Variants in PDK1 observed in about 807,000 individuals in gnomAD.
The protein encoded by PDK1 is pyruvate dehydrogenase kinase 1.
A neutral mutation model predicts 54.2 loss-of-function variants in PDK1; 39 were observed. The ratio of observed to expected loss-of-function variants is 0.72; its 90% confidence interval spans 0.56 to 0.94. PDK1 has a LOEUF of 0.94. PDK1 is among the 40% of genes least tolerant of loss of function. PDK1 has a pLI of 0.00. For synonymous variants in PDK1, 221 were observed against 207.1 expected, an observed-to-expected ratio of 1.07 and a Z score of -0.58; for missense variants, 552 against 566.0, an observed-to-expected ratio of 0.98 and a Z score of 0.25.
chr2:172,643,468 T>C, the PDK1 span, among the ~76,000 whole-genome samples: 3 of 152,170 alleles, frequency 2.0e-5, no homozygotes, highest in African/African-American at 7.2e-5. Flanking sequence ...GAGTCCTCTT[T>C]TAGCCTCAAG....
At chr2:172,609,206 C>T (rs952516311), downstream of PDK1, among the ~76,000 whole-genome samples, 1 of 152,128 alleles carries the variant, frequency 6.6e-6, no homozygotes, top group African/African-American at 2.4e-5. Context: ...ACGACAAGGA[C>T]ACTCAACTTC....
At chr2:172,556,497 C>T (rs976137446) in intron 1 of PDK1, 151 bp downstream of exon 1, 10 of 498,234 alleles carry the variant, frequency 2.0e-5, no homozygotes, top group African/African-American at 1.8e-4. Flanking sequence ...TAGGTGCTTC[C>T]TTCCTCCCTC....
chr2:172,686,019 T>C, the PDK1 span, among the ~76,000 whole-genome samples: 1 of 152,316 alleles, frequency 6.6e-6, no homozygotes, highest in Non-Finnish European at 1.5e-5. Context: ...CCAGGAGCTG[T>C]GTTAAGTGCT....
downstream of PDK1, among the ~76,000 whole-genome samples, chr2:172,611,508 TAC>T (rs2149331642): frequency 6.6e-6 from 1 of 152,340 alleles, no homozygotes; most frequent in East Asian, 1.9e-4. Context: ...ATGTTGGTTT[TAC>T]ACAGTCTTTT....
chr2:172,651,743 A>C, the PDK1 span, among the ~76,000 whole-genome samples: 10 of 152,216 alleles, frequency 6.6e-5, no homozygotes, highest in Non-Finnish European at 5.9e-5. Context: ...TCCTGGACAC[A>C]TACATCCTCC....
At chr2:172,614,172 A>AC in the PDK1 span, among the ~76,000 whole-genome samples, 16,376 of 132,652 alleles carry the variant, frequency 0.12, 1,080 homozygotes, top group Admixed American at 0.15. Context: ...CCCAGGAAGG[A>AC]CCCCCCCCCC....
the PDK1 span, among the ~76,000 whole-genome samples, chr2:172,657,541 CAT>C: frequency 6.6e-6 from 1 of 151,702 alleles, no homozygotes; most frequent in Non-Finnish European, 1.5e-5. Flanking sequence ...CTTATGGACT[CAT>C]AGATTTCTTC....
At chr2:172,711,865 CAAAAAAAAAAAAAAA>C in the PDK1 span, among the ~76,000 whole-genome samples, 1 of 22,782 alleles carries the variant, frequency 4.4e-5, no homozygotes, top group East Asian at 1.9e-3. Context: ...GAACCTAGCT[CAAAAAAAAAAAAAAA>C]AAAAAAAAAA....
chr2:172,701,384 A>G, the PDK1 span, among the ~76,000 whole-genome samples: 1 of 152,266 alleles, frequency 6.6e-6, no homozygotes, highest in South Asian at 2.1e-4. Flanking sequence ...CAAATGAATC[A>G]GTCAAATGAA....
chr2:172,639,403 T>G, the PDK1 span, among the ~76,000 whole-genome samples: 1 of 152,146 alleles, frequency 6.6e-6, no homozygotes, highest in Non-Finnish European at 1.5e-5. Context: ...GGCACTTGAT[T>G]TTTCTAGGTT....
chr2:172,614,628 A>T, the PDK1 span, among the ~76,000 whole-genome samples: 1 of 152,212 alleles, frequency 6.6e-6, no homozygotes, highest in Non-Finnish European at 1.5e-5. Flanking sequence ...GCCTTCTCTC[A>T]GCTGAGAGCT....
At chr2:172,660,870 GC>G in the PDK1 span, among the ~76,000 whole-genome samples, 37 of 152,184 alleles carry the variant, frequency 2.4e-4, no homozygotes, top group Admixed American at 2.2e-3. Context: ...ATAAGCCCAA[GC>G]CAGAGTTCCA....
chr2:172,560,592 A>G lies in PDK1; in HGVS notation c.339-1628A>G, dbSNP rs1290877461. 2.6e-5 allele frequency among the ~76,000 whole-genome samples: 4 copies of G among 152,248 alleles called. No homozygotes were observed. In the South Asian group the frequency reaches 6.2e-4, roughly 24 times the overall value. On this transcript the variant is annotated intron_variant, in intron 2 of 10. Coordinates refer to ENST00000282077, the MANE Select transcript of PDK1 (RefSeq NM_002610.5). Reference sequence around the variant, plus strand: ...TTGTCCATCTCTGCTATACCGTGCTATAGTCAGAATGATGAAATATATGAA... The same window carrying G: ...TTGTCCATCTCTGCTATACCGTGCTGTAGTCAGAATGATGAAATATATGAA...
At chr2:172,567,644 A>AACTCTTTT (rs1455624533) in intron 6 of PDK1, among the ~76,000 whole-genome samples, 3 of 152,276 alleles carry the variant, frequency 2.0e-5, no homozygotes, top group African/African-American at 7.2e-5. Flanking sequence ...AAGCCATATT[A>AACTCTTTT]ACTCTTTTGA....
chr2:172,647,384 A>C, the PDK1 span, among the ~76,000 whole-genome samples: 8,001 of 152,158 alleles, frequency 0.053, 403 homozygotes, highest in East Asian at 0.22. Flanking sequence ...CACACTGAGG[A>C]GCATATGCTG....
the PDK1 span, among the ~76,000 whole-genome samples, chr2:172,700,491 C>A: frequency 6.6e-6 from 1 of 151,146 alleles, no homozygotes; most frequent in African/African-American, 2.4e-5. Context: ...AGGATGACGG[C>A]CGGGAAGAGG....
chr2:172,560,316 C>T (rs951637214), intron 2 of PDK1, among the ~76,000 whole-genome samples: 3 of 152,326 alleles, frequency 2.0e-5, no homozygotes, highest in Admixed American at 6.5e-5. Flanking sequence ...CAGCCATGCG[C>T]CACCATACCT....
chr2:172,594,805 A>C (rs1690801882), intron 10 of PDK1, among the ~76,000 whole-genome samples: 1 of 152,162 alleles, frequency 6.6e-6, no homozygotes, highest in Non-Finnish European at 1.5e-5. Context: ...CTACTGAAAA[A>C]TCCTAACTTG....
the PDK1 span, among the ~76,000 whole-genome samples, chr2:172,656,932 C>T: frequency 6.6e-6 from 1 of 152,198 alleles, no homozygotes; most frequent in East Asian, 1.9e-4. Context: ...TGTGGGGGCT[C>T]TCCTAAGACT....
Sources: allele counts gnomAD v4.1 joint callset (sites outside exome capture counted in the v4.1 genomes callset), GRCh38; gene constraint gnomAD v4.1.1; transcripts MANE v1.5; gene names NCBI Gene and HGNC (gene_info 2026-07-23, HGNC 2026-07-21).